HDAC9: variants seen among roughly 807,000 people sequenced by gnomAD.
HDAC9 encodes the protein MEF-2 interacting transcription repressor (MITR) protein.
HDAC9 carries 41 observed loss-of-function variants against 139.4 expected under a neutral mutation model. That is an observed-to-expected ratio of 0.29 (90% CI 0.23 to 0.38). HDAC9 has a LOEUF of 0.38. Ranked by LOEUF, HDAC9 falls within the 10% of genes least tolerant of loss-of-function variation. The probability of loss-of-function intolerance (pLI) is 1.00; values close to 1 mark genes in which losing one functional copy is unlikely to be tolerated. For synonymous variants in HDAC9, 517 were observed against 476.2 expected (o/e 1.09, Z -1.12); for missense variants, 1,147 against 1,297.0 (o/e 0.88, Z 1.78).
Position 18,852,160 on chromosome 7 carries a change from C to A in HDAC9, c.2684+16163C>A, listed in dbSNP as rs150583092. On this transcript the variant is annotated intron_variant, in intron 21 of 25. Transcript: ENST00000686413. ...TGCCTTACAAGTAGCTGACTTTCTCCCATGTGCTTAACTGAGCTAGTTGCT... is the reference window on the plus strand; with the variant it reads ...TGCCTTACAAGTAGCTGACTTTCTCACATGTGCTTAACTGAGCTAGTTGCT... Among the ~76,000 whole-genome samples, 43 of 152,274 alleles carry A rather than the reference C, an allele frequency of 2.8e-4. 1 individual carries two copies. In the East Asian group the frequency reaches 6.0e-3, roughly 21 times the overall value.
At chr7:18,705,490 G>A (rs1783816151) in intron 12 of HDAC9, among the ~76,000 whole-genome samples, 1 of 152,156 alleles carries the variant, frequency 6.6e-6, no homozygotes, top group African/African-American at 2.4e-5. Flanking sequence ...CTAAATGGGT[G>A]TGCATATTCT....
At chr7:18,337,221 T>G (rs1207131162) in intron 1 of HDAC9, among the ~76,000 whole-genome samples, 1 of 151,686 alleles carries the variant, frequency 6.6e-6, no homozygotes, top group African/African-American at 2.4e-5. Context: ...TACTTCTGTA[T>G]TTTATTTATA....
intron 1 of HDAC9, among the ~76,000 whole-genome samples, chr7:18,358,209 A>G (rs1449171567): frequency 6.6e-6 from 1 of 152,192 alleles, no homozygotes; most frequent in Non-Finnish European, 1.5e-5. Context: ...AAAACAAAAC[A>G]ACAACAAAGA....
chr7:18,447,133 A>G (rs1050388990), intron 1 of HDAC9, among the ~76,000 whole-genome samples: 5 of 152,148 alleles, frequency 3.3e-5, no homozygotes, highest in Non-Finnish European at 5.9e-5. Context: ...GCCCTAGTGT[A>G]TCTGTGGTAT....
At chr7:18,127,954 A>C (rs1784774313) in intron 1 of HDAC9, among the ~76,000 whole-genome samples, 2 of 152,170 alleles carry the variant, frequency 1.3e-5, no homozygotes, top group African/African-American at 4.8e-5. Flanking sequence ...TAGATGATTG[A>C]GGTCTCTAAC....
chr7:18,418,196 A>C (rs1208420022), intron 1 of HDAC9, among the ~76,000 whole-genome samples: 1 of 152,122 alleles, frequency 6.6e-6, no homozygotes, highest in East Asian at 1.9e-4. Flanking sequence ...CAGAAGGGTA[A>C]ATTCAATTCC....
At chr7:18,293,226 G>A (rs934331368) in intron 1 of HDAC9, among the ~76,000 whole-genome samples, 1 of 151,946 alleles carries the variant, frequency 6.6e-6, no homozygotes, top group Non-Finnish European at 1.5e-5. Flanking sequence ...TGCAGAAAAA[G>A]AAAAGGATAA....
intron 6 of HDAC9, among the ~76,000 whole-genome samples, chr7:18,596,540 C>T (rs1832554427): frequency 6.6e-6 from 1 of 152,020 alleles, no homozygotes; most frequent in African/African-American, 2.4e-5. Context: ...AAAGTATTTA[C>T]AAACAAAGCG....
chr7:18,134,894 A>G (rs1480332750), intron 1 of HDAC9, among the ~76,000 whole-genome samples: 1 of 152,180 alleles, frequency 6.6e-6, no homozygotes, highest in Non-Finnish European at 1.5e-5. Flanking sequence ...ATGCATGACA[A>G]TCCTTTAGAA....
At chr7:18,130,729 A>G (rs147880834) in intron 1 of HDAC9, among the ~76,000 whole-genome samples, 13 of 152,110 alleles carry the variant, frequency 8.5e-5, no homozygotes, top group East Asian at 1.9e-4. Context: ...GATATTTCAT[A>G]TACATGGAAT....
At chr7:18,334,372 A>T (rs909718634) in intron 1 of HDAC9, among the ~76,000 whole-genome samples, 1 of 151,536 alleles carries the variant, frequency 6.6e-6, no homozygotes, top group Non-Finnish European at 1.5e-5. Context: ...ACAGAACTAG[A>T]TCAAAAGAAA....
intron 6 of HDAC9, among the ~76,000 whole-genome samples, chr7:18,603,781 T>C (rs1562537079): frequency 6.6e-6 from 1 of 152,148 alleles, no homozygotes; most frequent in Non-Finnish European, 1.5e-5. Flanking sequence ...TATATCCTTT[T>C]CCTTCTCACT....
At chr7:18,279,606 C>T (rs1329728999) in intron 2 of HDAC9, among the ~76,000 whole-genome samples, 1 of 151,942 alleles carries the variant, frequency 6.6e-6, no homozygotes, top group African/African-American at 2.4e-5. Context: ...GCTGGGACTA[C>T]AGGCGCCCGC....
At chr7:18,394,973 T>C (rs541914952) in intron 1 of HDAC9, 26 of 152,302 alleles carry the variant, frequency 1.7e-4, no homozygotes, top group African/African-American at 2.6e-4. Context: ...AATACACAAG[T>C]ATTCAGACAT....
chr7:18,285,820 A>G (rs1024214234), upstream of HDAC9, among the ~76,000 whole-genome samples: 2 of 152,134 alleles, frequency 1.3e-5, no homozygotes, highest in African/African-American at 4.8e-5. Context: ...ATATATGTCA[A>G]TAAGCAAAAT....
chr7:18,346,787 T>C (rs1562900865), intron 1 of HDAC9, among the ~76,000 whole-genome samples: 1 of 152,170 alleles, frequency 6.6e-6, no homozygotes. Flanking sequence ...CAGTTATATT[T>C]CACCAAAATC....
At chr7:18,518,353 T>C in intron 2 of HDAC9, among the ~76,000 whole-genome samples, 1 of 152,228 alleles carries the variant, frequency 6.6e-6, no homozygotes, top group East Asian at 1.9e-4. Flanking sequence ...AAGAAAATTG[T>C]CTGCAAACAA....
At chr7:18,348,310 C>T (rs1191468989) in intron 1 of HDAC9, among the ~76,000 whole-genome samples, 3 of 152,154 alleles carry the variant, frequency 2.0e-5, no homozygotes, top group Non-Finnish European at 4.4e-5. Flanking sequence ...TAGCTATCAA[C>T]ACTTATTGAG....
chr7:18,973,993 G>C (rs369106574), intron 24 of HDAC9, among the ~76,000 whole-genome samples: 2 of 152,262 alleles, frequency 1.3e-5, no homozygotes, highest in African/African-American at 4.8e-5. Flanking sequence ...AGGATCATCA[G>C]AGTGTCATTC....
Sources: gnomAD v4.1 joint callset for allele counts (sites outside exome capture counted in the v4.1 genomes callset) on GRCh38, gnomAD v4.1.1 for gene constraint, MANE v1.5 for transcripts, NCBI Gene and HGNC (gene_info 2026-07-23, HGNC 2026-07-21) for gene names.